GRID1: variants seen among roughly 807,000 people sequenced by gnomAD.
The protein encoded by GRID1 is glutamate receptor ionotropic, delta-1.
In GRID1, 28 loss-of-function variants were observed where a neutral mutation model predicts 98.0. The ratio of observed to expected loss-of-function variants is 0.29; its 90% CI spans 0.21 to 0.39. The LOEUF (loss-of-function observed/expected upper bound fraction) is 0.39, where lower values mean the gene tolerates loss of function less well. Among genes scored for constraint, GRID1 ranks in the 10% least tolerant of loss-of-function variants. The pLI, the probability that GRID1 is intolerant of heterozygous loss-of-function variation, is 1.00. For synonymous variants in GRID1, 553 were observed against 538.5 expected (o/e 1.03, Z -0.37); for missense variants, 1,111 against 1,340.5 (o/e 0.83, Z 2.67).
intron 13 of GRID1, among the ~76,000 whole-genome samples, chr10:85,624,840 A>G (rs1842892376): frequency 6.6e-6 from 1 of 152,188 alleles, no homozygotes; most frequent in African/African-American, 2.4e-5. Flanking sequence ...AAATATATCT[A>G]AAATGCATGA....
intron 4 of GRID1, among the ~76,000 whole-genome samples, chr10:86,057,928 C>A (rs60408418): frequency 2.6e-5 from 4 of 152,146 alleles, no homozygotes; most frequent in Non-Finnish European, 5.9e-5. Context: ...GCCAGGCATG[C>A]GGTGTGCGCT....
intron 3 of GRID1, among the ~76,000 whole-genome samples, chr10:86,158,572 G>A (rs1845278109): frequency 6.6e-6 from 1 of 152,228 alleles, no homozygotes; most frequent in African/African-American, 2.4e-5. Flanking sequence ...GCACATGTGT[G>A]AGGTCACGGA....
chr10:85,952,972 T>A (rs981572848), intron 4 of GRID1, among the ~76,000 whole-genome samples: 1 of 152,220 alleles, frequency 6.6e-6, no homozygotes, highest in Admixed American at 6.5e-5. Context: ...TAACTATATT[T>A]TTTTCTTATA....
chr10:86,131,286 C>T (rs751058338), intron 4 of GRID1, among the ~76,000 whole-genome samples: 1 of 152,260 alleles, frequency 6.6e-6, no homozygotes, highest in Middle Eastern at 3.4e-3. Flanking sequence ...CGAGGCCCCC[C>T]CAAGGCTGAA....
At chr10:86,094,740 A>G (rs781452326) in intron 4 of GRID1, among the ~76,000 whole-genome samples, 14 of 152,180 alleles carry the variant, frequency 9.2e-5, no homozygotes, top group Non-Finnish European at 2.1e-4. Flanking sequence ...GGGTAGAATC[A>G]ATATTGTGAA....
intron 4 of GRID1, among the ~76,000 whole-genome samples, chr10:86,022,876 C>T (rs1465785718): frequency 6.6e-6 from 1 of 151,384 alleles, no homozygotes. Context: ...CAAGATCGCA[C>T]CACTGCACTC....
chr10:86,326,400 C>G (rs1236377108), intron 2 of GRID1, among the ~76,000 whole-genome samples: 6 of 152,142 alleles, frequency 3.9e-5, no homozygotes, highest in African/African-American at 1.2e-4. Flanking sequence ...TGTCTACTCA[C>G]AAGAATTGCA....
chr10:86,047,637 AT>A (rs987481092), intron 4 of GRID1, among the ~76,000 whole-genome samples: 83 of 152,194 alleles, frequency 5.5e-4, no homozygotes, highest in African/African-American at 2.0e-3. Context: ...CTCTGGGTTA[AT>A]TGGAACCCAG....
chr10:86,159,394 T>C (rs1845288841), intron 3 of GRID1, among the ~76,000 whole-genome samples: 1 of 152,210 alleles, frequency 6.6e-6, no homozygotes, highest in South Asian at 2.1e-4. Context: ...CATCATTACC[T>C]TTTCTATATT....
chr10:86,188,454 G>A (rs1393059191), intron 3 of GRID1, among the ~76,000 whole-genome samples: 1 of 152,168 alleles, frequency 6.6e-6, no homozygotes, highest in Non-Finnish European at 1.5e-5. Flanking sequence ...CTTCCATTCT[G>A]CCAAGCTACC....
chr10:85,664,853 A>C (rs1194104580), intron 12 of GRID1, among the ~76,000 whole-genome samples: 1 of 152,154 alleles, frequency 6.6e-6, no homozygotes, highest in Non-Finnish European at 1.5e-5. Context: ...TTTGCTTCAC[A>C]CTAGGTATGT....
intron 4 of GRID1, among the ~76,000 whole-genome samples, chr10:86,033,322 T>C (rs1843212249): frequency 6.6e-6 from 1 of 151,332 alleles, no homozygotes; most frequent in African/African-American, 2.4e-5. Flanking sequence ...CCATGAGCAC[T>C]TGCTGCCCGG....
chr10:85,802,912 T>G lies in GRID1; in HGVS notation c.1233+51584A>C, dbSNP rs76086534. On this transcript the variant is annotated intron_variant, in intron 8 of 15. Transcript: ENST00000327946. ...CAAGGAACATTCAAATCAAATTGCT[T>G]ATTTGCAGGATCTAAAAATCAAAAC... 4.8e-3 allele frequency among the ~76,000 whole-genome samples: 714 copies of G among 149,050 alleles called. 6 individuals are homozygous for G. The highest frequency in any genetic ancestry group is 0.017 in the African/African-American group (685 of 40,274).
intron 2 of GRID1, among the ~76,000 whole-genome samples, chr10:86,335,296 T>C (rs1275442776): frequency 2.0e-5 from 3 of 152,252 alleles, no homozygotes; most frequent in Non-Finnish European, 4.4e-5. Flanking sequence ...TTACCTATGC[T>C]GCCTTGGCAT....
At chr10:85,631,398 T>G (rs1842974200) in intron 13 of GRID1, among the ~76,000 whole-genome samples, 1 of 152,240 alleles carries the variant, frequency 6.6e-6, no homozygotes, top group African/African-American at 2.4e-5. Flanking sequence ...GACATCTGCC[T>G]CCAGCATCTG....
chr10:86,359,642 C>T (rs998586676), intron 2 of GRID1, among the ~76,000 whole-genome samples: 1 of 152,190 alleles, frequency 6.6e-6, no homozygotes, highest in African/African-American at 2.4e-5. Flanking sequence ...GTTATCCTTC[C>T]ACACTGCGAC....
intron 3 of GRID1, among the ~76,000 whole-genome samples, chr10:86,178,867 T>C (rs1845614819): frequency 1.3e-5 from 2 of 152,122 alleles, no homozygotes; most frequent in South Asian, 4.1e-4. Context: ...TGTTTCCTGA[T>C]GGGGAGAATT....
At chr10:86,289,076 C>G (rs1185285649) in intron 2 of GRID1, among the ~76,000 whole-genome samples, 3 of 152,194 alleles carry the variant, frequency 2.0e-5, no homozygotes, top group Non-Finnish European at 4.4e-5. Context: ...GTCACTAGAG[C>G]TACACACTTG....
intron 12 of GRID1, among the ~76,000 whole-genome samples, chr10:85,714,567 A>G (rs1378132339): frequency 6.6e-6 from 1 of 152,070 alleles, no homozygotes; most frequent in Non-Finnish European, 1.5e-5. Flanking sequence ...CAAAATAAAC[A>G]TACAAAAATC....
Sources: gnomAD v4.1 joint callset for allele counts (sites outside exome capture counted in the v4.1 genomes callset) on GRCh38, gnomAD v4.1.1 for gene constraint, MANE v1.5 for transcripts, NCBI Gene and HGNC (gene_info 2026-07-23, HGNC 2026-07-21) for gene names.